The following SGCZ variants were observed in gnomAD, a reference collection of about 807,000 sequenced individuals.
The protein encoded by SGCZ is zeta-sarcoglycan.
SGCZ carries 40 observed loss-of-function variants against 41.3 expected under a neutral mutation model. That is an observed-to-expected ratio of 0.97 (90% CI 0.75 to 1.26). The LOEUF is 1.26. Among genes scored for constraint, SGCZ ranks in the 50% most tolerant of loss-of-function variants. The probability of loss-of-function intolerance (pLI) is 0.00; values close to 1 mark genes in which losing one functional copy is unlikely to be tolerated. For missense variants in SGCZ, 552 were observed against 369.8 expected (o/e 1.49, Z -4.04); for synonymous variants, 206 against 137.5 (o/e 1.50, Z -3.49).
intron 2 of SGCZ, among the ~76,000 whole-genome samples, chr8:14,465,684 C>T (rs999697514): frequency 3.4e-4 from 52 of 151,288 alleles, no homozygotes; most frequent in African/African-American, 1.2e-3. Flanking sequence ...TTGTGGTTGC[C>T]ATGGGGATTA....
At chr8:15,043,127 G>A (rs976080001) in intron 1 of SGCZ, among the ~76,000 whole-genome samples, 2 of 152,134 alleles carry the variant, frequency 1.3e-5, no homozygotes, top group Non-Finnish European at 2.9e-5. Context: ...CCACTGTTTG[G>A]GAGTCCTAAG....
At chr8:14,558,038 T>C (rs1425081679) in intron 1 of SGCZ, among the ~76,000 whole-genome samples, 3 of 152,106 alleles carry the variant, frequency 2.0e-5, no homozygotes, top group Non-Finnish European at 4.4e-5. Flanking sequence ...ACTATGAACA[T>C]TTTAAGTGCA....
intron 2 of SGCZ, among the ~76,000 whole-genome samples, chr8:14,522,056 G>T (rs1395788677): frequency 6.6e-6 from 1 of 152,006 alleles, no homozygotes; most frequent in African/African-American, 2.4e-5. Context: ...CAGTTAACCT[G>T]GTAGGTTACA....
At chr8:14,974,526 T>C (rs1801402461) in intron 1 of SGCZ, among the ~76,000 whole-genome samples, 1 of 152,170 alleles carries the variant, frequency 6.6e-6, no homozygotes, top group Non-Finnish European at 1.5e-5. Context: ...CATTTTAGAA[T>C]TAATCAGAGG....
At chr8:14,214,626 G>C (rs372390095) in intron 4 of SGCZ, among the ~76,000 whole-genome samples, 2 of 152,038 alleles carry the variant, frequency 1.3e-5, no homozygotes, top group East Asian at 1.9e-4. Context: ...TATTGTTTAT[G>C]AGAAAATAAT....
chr8:15,208,902 T>TAGAGAG (rs35949197), intron 1 of SGCZ, among the ~76,000 whole-genome samples: 116 of 149,982 alleles, frequency 7.7e-4, no homozygotes, highest in African/African-American at 1.2e-3. Flanking sequence ...TACATATATA[T>TAGAGAG]AGAGAGAGAG....
intron 7 of SGCZ, among the ~76,000 whole-genome samples, chr8:14,091,940 T>A (rs1035451856): frequency 1.3e-5 from 2 of 152,200 alleles, no homozygotes; most frequent in African/African-American, 4.8e-5. Flanking sequence ...CTAGGGTTTT[T>A]ACAGTTTTAG....
At chr8:14,553,215 A>C (rs1167122713) in intron 2 of SGCZ, among the ~76,000 whole-genome samples, 1 of 151,990 alleles carries the variant, frequency 6.6e-6, no homozygotes, top group Non-Finnish European at 1.5e-5. Flanking sequence ...AGAGTTGTTG[A>C]TATTTGTGTC....
chr8:14,622,295 A>T (rs747198017), intron 1 of SGCZ, among the ~76,000 whole-genome samples: 19 of 152,134 alleles, frequency 1.2e-4, no homozygotes, highest in Non-Finnish European at 2.5e-4. Flanking sequence ...ACCTACTGAG[A>T]ACTGATCATT....
At chr8:14,477,698 C>G (rs1801401039) in intron 2 of SGCZ, among the ~76,000 whole-genome samples, 1 of 152,126 alleles carries the variant, frequency 6.6e-6, no homozygotes. Context: ...TTGAAGTGTT[C>G]TGCTTTTCCT....
At chr8:14,124,849 A>T (rs527924961) in intron 5 of SGCZ, among the ~76,000 whole-genome samples, 80 of 152,300 alleles carry the variant, frequency 5.3e-4, no homozygotes, top group Admixed American at 2.5e-3. Flanking sequence ...TCTATTAAGA[A>T]CCTAAAGGTA....
intron 1 of SGCZ, among the ~76,000 whole-genome samples, chr8:14,560,686 A>T (rs1804182064): frequency 6.6e-6 from 1 of 152,152 alleles, no homozygotes; most frequent in South Asian, 2.1e-4. Context: ...TAGAAATGAA[A>T]ACTTACTAAA....
At chr8:14,450,805 C>A (rs1462987183) in intron 2 of SGCZ, among the ~76,000 whole-genome samples, 1 of 152,164 alleles carries the variant, frequency 6.6e-6, no homozygotes, top group African/African-American at 2.4e-5. Flanking sequence ...GAAGTACACA[C>A]TAAGGACAGA....
At chr8:14,235,569 A>G (rs900544434) in intron 4 of SGCZ, among the ~76,000 whole-genome samples, 1 of 152,238 alleles carries the variant, frequency 6.6e-6, no homozygotes, top group East Asian at 1.9e-4. Context: ...GAAAGCATGC[A>G]GTGAAATGCA....
intron 1 of SGCZ, among the ~76,000 whole-genome samples, chr8:14,850,898 G>T (rs1043691995): frequency 2.6e-5 from 4 of 152,052 alleles, no homozygotes; most frequent in Non-Finnish European, 5.9e-5. Context: ...CTTCCACCAG[G>T]ATTTTAAGTT....
chr8:14,884,876 A>C (rs1242328692), intron 1 of SGCZ, among the ~76,000 whole-genome samples: 1 of 151,976 alleles, frequency 6.6e-6, no homozygotes, highest in Non-Finnish European at 1.5e-5. Flanking sequence ...TTATGATACT[A>C]AACTCACTGG....
At chr8:14,853,465 T>G (rs770309647) in intron 1 of SGCZ, 1 of 532,990 alleles carries the variant, frequency 1.9e-6, no homozygotes, top group Non-Finnish European at 3.8e-6. Flanking sequence ...GTGCTGTGGC[T>G]GATTAATATC....
At position 15,158,267 on chromosome 8, in the gene SGCZ, G is replaced by A. The variant is rs150569729; in HGVS notation, c.39+79318C>T. ...AGGTTTCTCTTTCTGTTTATCCTCCGTTATCCATTTTTCCCAGTTCTAAAG... is the reference window on the plus strand; with the variant it reads ...AGGTTTCTCTTTCTGTTTATCCTCCATTATCCATTTTTCCCAGTTCTAAAG... On this transcript the variant is annotated intron_variant, in intron 1 of 7. Coordinates refer to ENST00000382080, the MANE Select transcript of SGCZ (RefSeq NM_139167.4). Among the ~76,000 whole-genome samples, 793 of 151,474 alleles carry A rather than the reference G, an allele frequency of 5.2e-3. 5 individuals carry two copies. The highest frequency in any genetic ancestry group is 0.028 in the Middle Eastern group (8 of 290).
chr8:15,196,263 T>G (rs1475256125), intron 1 of SGCZ, among the ~76,000 whole-genome samples: 1 of 152,220 alleles, frequency 6.6e-6, no homozygotes, highest in African/African-American at 2.4e-5. Flanking sequence ...GCCACTGTTT[T>G]AAATACAAAG....
Sources: allele counts gnomAD v4.1 joint callset (sites outside exome capture counted in the v4.1 genomes callset), GRCh38; gene constraint gnomAD v4.1.1; transcripts MANE v1.5; gene names NCBI Gene and HGNC (gene_info 2026-07-23, HGNC 2026-07-21).